ALPK1: variants seen among roughly 807,000 people sequenced by gnomAD.
The protein encoded by ALPK1 is alpha kinase 1, also known as alpha-protein kinase 1.
ALPK1 carries 110 observed loss-of-function variants against 120.6 expected under a neutral mutation model. That is an observed-to-expected ratio of 0.91 (90% CI 0.78 to 1.07). The LOEUF (loss-of-function observed/expected upper bound fraction) is 1.07, where lower values mean the gene tolerates loss of function less well. Ranked by LOEUF, ALPK1 falls within the 50% of genes least tolerant of loss-of-function variation. The pLI is 0.00. For synonymous variants in ALPK1, 582 were observed against 560.3 expected (o/e 1.04, Z -0.55); for missense variants, 1,498 against 1,483.9 (o/e 1.01, Z -0.16).
intron 4 of ALPK1, among the ~76,000 whole-genome samples, chr4:112,408,787 T>C (rs1040832638): frequency 4.6e-5 from 7 of 152,326 alleles, no homozygotes; most frequent in African/African-American, 1.4e-4. Context: ...AGACTTTTTC[T>C]CATTTTGAAA....
chr4:112,436,483 T>A (rs983198877), intron 12 of ALPK1, among the ~76,000 whole-genome samples: 5 of 152,206 alleles, frequency 3.3e-5, no homozygotes, highest in African/African-American at 1.2e-4. Flanking sequence ...ATTGCAGATG[T>A]AATTGGTGAA....
intron 4 of ALPK1, 72 bp downstream of exon 4, chr4:112,382,624 G>A: frequency 6.2e-7 from 1 of 1,606,806 alleles, no homozygotes; most frequent in Non-Finnish European, 8.5e-7. Context: ...TGGTCTAATA[G>A]ATTAAATTTC....
chr4:112,329,042 A>G (rs1461237134), intron 2 of ALPK1, among the ~76,000 whole-genome samples: 1 of 152,200 alleles, frequency 6.6e-6, no homozygotes, highest in Admixed American at 6.5e-5. Flanking sequence ...GTGTGCTTCT[A>G]GAGTCCAGAA....
intron 1 of ALPK1, among the ~76,000 whole-genome samples, chr4:112,309,658 TG>T (rs1305125150): frequency 1.3e-5 from 2 of 152,148 alleles, no homozygotes; most frequent in Non-Finnish European, 2.9e-5. Context: ...TGTTCCTATT[TG>T]GCCACCTTCC....
chr4:112,410,230 C>G (rs1273750324), intron 4 of ALPK1, among the ~76,000 whole-genome samples: 3 of 151,990 alleles, frequency 2.0e-5, no homozygotes, highest in African/African-American at 7.2e-5. Flanking sequence ...CCCAGCAGCT[C>G]CATCCGGTTT....
chr4:112,307,328 T>G (rs551190904), intron 1 of ALPK1, among the ~76,000 whole-genome samples: 1 of 152,212 alleles, frequency 6.6e-6, no homozygotes, highest in South Asian at 2.1e-4. Context: ...GTCTCGTTGA[T>G]CTGTCTAATG....
intron 5 of ALPK1, among the ~76,000 whole-genome samples, chr4:112,423,047 C>G (rs11733852): frequency 6.6e-6 from 1 of 152,088 alleles, no homozygotes; most frequent in Admixed American, 6.5e-5. Context: ...TCATTGCAAA[C>G]GAGCGTGAAG....
chr4:112,436,886 G>T (rs181513192), intron 12 of ALPK1, among the ~76,000 whole-genome samples: 1 of 152,338 alleles, frequency 6.6e-6, no homozygotes, highest in Admixed American at 6.5e-5. Flanking sequence ...TGGAGTGGCA[G>T]AGTTCAATAT....
At chr4:112,349,551 G>GCCCCCCA (rs1730245090) in intron 2 of ALPK1, among the ~76,000 whole-genome samples, 1 of 103,714 alleles carries the variant, frequency 9.6e-6, no homozygotes, top group East Asian at 2.9e-4. Context: ...CCCAACCCCT[G>GCCCCCCA]CCCCCCCCCG....
chr4:112,305,876 G>A (rs1200407335), intron 1 of ALPK1, among the ~76,000 whole-genome samples: 2 of 151,992 alleles, frequency 1.3e-5, no homozygotes, highest in Non-Finnish European at 2.9e-5. Flanking sequence ...TATGATATTG[G>A]CTGTGGGTTT....
At chr4:112,407,026 T>TATGGTTTAAA (rs1733211055) in intron 4 of ALPK1, among the ~76,000 whole-genome samples, 1 of 152,208 alleles carries the variant, frequency 6.6e-6, no homozygotes, top group Admixed American at 6.5e-5. Context: ...ATAAATTTGT[T>TATGGTTTAAA]ATGCTTTTCT....
chr4:112,362,941 T>G (rs1224479645), intron 2 of ALPK1, among the ~76,000 whole-genome samples: 1 of 152,192 alleles, frequency 6.6e-6, no homozygotes, highest in African/African-American at 2.4e-5. Context: ...TTAGCCTCCT[T>G]AAACAAAACA....
intron 6 of ALPK1, 138 bp from the exon 7 acceptor site, chr4:112,425,527 G>C (rs983007971): frequency 3.0e-5 from 20 of 676,828 alleles, no homozygotes; most frequent in Non-Finnish European, 4.9e-5. Flanking sequence ...AAGAAGTTTG[G>C]ACCTGATTCT....
intron 9 of ALPK1, among the ~76,000 whole-genome samples, chr4:112,428,903 A>T (rs1163858831): frequency 6.6e-6 from 1 of 152,258 alleles, no homozygotes; most frequent in East Asian, 1.9e-4. Flanking sequence ...TGAACAAAGA[A>T]CTGCCACCGT....
In ALPK1 at chr4:112,425,732, G is replaced by A. The variant is rs1734208259; in HGVS notation, c.603G>A (p.Gly201=). The A allele has an allele frequency of 6.2e-7, 1 of 1,611,178 alleles. No individual in the cohort carries two copies. Among genetic ancestry groups the A allele is most frequent in the Non-Finnish European group, 8.5e-7 (1 of 1,178,094 alleles). ...AGTCGGTCTGTATACAGATCAGAGG[G>A]CAGATTCTGCAAAAGCTGGGTACAA... is the stretch of plus-strand genomic sequence containing the variant. The part of the protein sequence containing the change: ...LVQSVCIQIR[G]QILQKLGMWY... Residue 201 remains glycine (G), a synonymous_variant, in exon 7 of 16, where the codon GGG becomes GGA. Coordinates refer to ENST00000650871, the MANE Select transcript of ALPK1 (RefSeq NM_025144.4).
intron 2 of ALPK1, among the ~76,000 whole-genome samples, chr4:112,336,091 C>G (rs1473082057): frequency 6.6e-6 from 1 of 152,132 alleles, no homozygotes; most frequent in African/African-American, 2.4e-5. Context: ...CTGCTATATC[C>G]CTAGTACCTA....
intron 1 of ALPK1, among the ~76,000 whole-genome samples, chr4:112,306,074 C>G (rs1214692774): frequency 1.3e-5 from 2 of 152,074 alleles, no homozygotes; most frequent in Non-Finnish European, 2.9e-5. Flanking sequence ...TATGTTGAAC[C>G]AGCCTTGCAT....
chr4:112,364,433 C>A (rs1277541989), intron 2 of ALPK1, among the ~76,000 whole-genome samples: 1 of 151,936 alleles, frequency 6.6e-6, no homozygotes, highest in Admixed American at 6.6e-5. Flanking sequence ...ACTATGAATA[C>A]CTTTACATGC....
Position 112,406,856 on chromosome 4 carries a change from G to A in ALPK1, c.277-4971G>A, listed in dbSNP as rs528737647. Among the ~76,000 whole-genome samples the A allele has an allele frequency of 3.3e-5, 5 of 152,278 alleles. No homozygotes were observed. In the South Asian group the frequency reaches 6.2e-4, roughly 19 times the overall value. On this transcript the variant is annotated intron_variant, in intron 4 of 15. Coordinates refer to ENST00000650871, the MANE Select transcript of ALPK1 (RefSeq NM_025144.4). Reference sequence around the variant, plus strand: ...CAGATAGGTCTTGCTGAGTCCCATCGCACCTAGTCTATTATCATTAGTCAT... The same window carrying A: ...CAGATAGGTCTTGCTGAGTCCCATCACACCTAGTCTATTATCATTAGTCAT...
Sources: gnomAD v4.1 joint callset for allele counts (sites outside exome capture counted in the v4.1 genomes callset) on GRCh38, gnomAD v4.1.1 for gene constraint, MANE v1.5 for transcripts, NCBI Gene and HGNC (gene_info 2026-07-23, HGNC 2026-07-21) for gene names.